Variants in PKN2 observed in about 807,000 individuals in gnomAD.
PKN2 encodes the protein serine/threonine-protein kinase N2.
PKN2 carries 38 observed loss-of-function variants against 119.1 expected under a neutral mutation model. The ratio of observed to expected loss-of-function variants is 0.32; its 90% confidence interval spans 0.25 to 0.42. The LOEUF is 0.42. PKN2 is among the 10% of genes least tolerant of loss of function. The probability of loss-of-function intolerance (pLI) is 1.00; values close to 1 mark genes in which losing one functional copy is unlikely to be tolerated. For missense variants in PKN2, 850 were observed against 1,165.1 expected, an observed-to-expected ratio of 0.73 and a Z score of 3.94; for synonymous variants, 390 against 384.9, an observed-to-expected ratio of 1.01 and a Z score of -0.15.
chr1:88,812,809 T>C (rs902804483), intron 15 of PKN2, among the ~76,000 whole-genome samples: 42 of 152,336 alleles, frequency 2.8e-4, no homozygotes, highest in African/African-American at 8.9e-4. Context: ...CATCTTTGTT[T>C]TGTCTTATTT....
chr1:88,729,458 T>C (rs1251325183), intron 1 of PKN2, among the ~76,000 whole-genome samples: 1 of 152,216 alleles, frequency 6.6e-6, no homozygotes, highest in Non-Finnish European at 1.5e-5. Flanking sequence ...TAAGCTGGAC[T>C]GGAATGCCTA....
At chr1:88,695,795 G>T (rs1196548500) in intron 1 of PKN2, among the ~76,000 whole-genome samples, 1 of 152,056 alleles carries the variant, frequency 6.6e-6, no homozygotes, top group Non-Finnish European at 1.5e-5. Context: ...GCAGGGTGGG[G>T]CTTTGCATTA....
intron 1 of PKN2, among the ~76,000 whole-genome samples, chr1:88,739,244 G>A (rs566084063): frequency 6.6e-6 from 1 of 152,090 alleles, no homozygotes; most frequent in South Asian, 2.1e-4. Flanking sequence ...ACGTCAAGGT[G>A]GGAGGATCAC....
Position 88,807,345 on chromosome 1 carries a change from C to A in PKN2, c.1836C>A (p.Asp612Glu). The A allele has an allele frequency of 6.3e-7, 1 of 1,584,448 alleles. No individual in the cohort carries two copies. Among genetic ancestry groups the A allele is most frequent in the Non-Finnish European group, 8.6e-7 (1 of 1,156,796 alleles). The change falls in exon 13 of 22, where the codon GAC becomes GAA. Residue 612 changes from aspartate (D) to glutamate (E), a missense_variant. Physicochemically the swap from Asp to Glu is conservative, Grantham distance 45. Coordinates refer to ENST00000370521, the MANE Select transcript of PKN2 (RefSeq NM_006256.4). The stretch of plus-strand genomic sequence containing the variant: ...AGACTGTTTTTGATATTCAGAATGA[C>A]AGAAATAGTATACTTCCAAAATCTC... ...DSETVFDIQN[D>E]RNSILPKSQS... is the part of the protein sequence containing the mutation.
chr1:88,815,418 C>G (rs1182837917), intron 16 of PKN2: 14 of 355,382 alleles, frequency 3.9e-5, no homozygotes, highest in Non-Finnish European at 7.5e-5. Context: ...TCAGTTCACT[C>G]TATTTTCTGT....
At chr1:88,684,842 G>A (rs951037308) in intron 1 of PKN2, 11 of 496,224 alleles carry the variant, frequency 2.2e-5, no homozygotes, top group Non-Finnish European at 3.2e-5. Context: ...GCCTGCCACC[G>A]CTTTGGTTTG....
At chr1:88,691,253 C>G (rs908543218) in intron 1 of PKN2, among the ~76,000 whole-genome samples, 1 of 151,608 alleles carries the variant, frequency 6.6e-6, no homozygotes, top group Admixed American at 6.6e-5. Flanking sequence ...TTTGGAGAGA[C>G]GGGGTTTTGC....
chr1:88,742,904 A>T (rs1428231959), intron 2 of PKN2, among the ~76,000 whole-genome samples: 2 of 152,132 alleles, frequency 1.3e-5, no homozygotes, highest in African/African-American at 4.8e-5. Flanking sequence ...AGTTAACTTT[A>T]TTGTGGCTGG....
chr1:88,772,122 C>T lies in PKN2; in HGVS notation c.985+243C>T, dbSNP rs78127267. ...GCATTTTCATCACCCCAAAAGGAAA[C>T]GCATACCTGTTAAGCAGTCACTCCC... is the stretch of plus-strand genomic sequence containing the variant. On this transcript the variant is annotated intron_variant, in intron 6 of 21. Transcript: ENST00000370521. Among the ~76,000 whole-genome samples, 950 of 152,260 alleles carry T rather than the reference C, an allele frequency of 6.2e-3. 12 individuals carry two copies. In the South Asian group the frequency reaches 0.067, roughly 11 times the overall value.
chr1:88,724,673 G>A (rs1667824806), intron 1 of PKN2, among the ~76,000 whole-genome samples: 1 of 148,940 alleles, frequency 6.7e-6, no homozygotes, highest in South Asian at 2.1e-4. Context: ...CCAGGTTCAA[G>A]CAATTCTCCT....
chr1:88,758,124 T>A lies in PKN2; in HGVS notation c.350-2098T>A, dbSNP rs562201874. ...CTAGATGGTTCTTTCTGAAGTTTTA[T>A]TTATTTATTTTTGCAAAATGAAAAT... On this transcript the variant is annotated intron_variant, in intron 2 of 21. Coordinates refer to ENST00000370521, the MANE Select transcript of PKN2 (RefSeq NM_006256.4). Among the ~76,000 whole-genome samples, 25 of 152,058 alleles carry A rather than the reference T, an allele frequency of 1.6e-4. No homozygotes were observed. In the East Asian group the frequency reaches 4.4e-3, roughly 27 times the overall value.
chr1:88,705,992 A>G (rs1666988798), intron 1 of PKN2, among the ~76,000 whole-genome samples: 1 of 151,840 alleles, frequency 6.6e-6, no homozygotes, highest in Non-Finnish European at 1.5e-5. Flanking sequence ...ATATTTCCAT[A>G]TAATTTTTAA....
At chr1:88,768,421 CCTTT>C (rs1297426152) in intron 3 of PKN2, among the ~76,000 whole-genome samples, 1 of 152,188 alleles carries the variant, frequency 6.6e-6, no homozygotes, top group Non-Finnish European at 1.5e-5. Flanking sequence ...TGACTCTCTT[CCTTT>C]GTCTTCTAAG....
At chr1:88,715,376 G>T (rs1158317808) in intron 1 of PKN2, among the ~76,000 whole-genome samples, 1 of 152,100 alleles carries the variant, frequency 6.6e-6, no homozygotes, top group Non-Finnish European at 1.5e-5. Context: ...GGTAAAATTT[G>T]GCTGTGAATC....
chr1:88,786,587 TG>T (rs1375760869), intron 8 of PKN2, among the ~76,000 whole-genome samples: 1 of 152,132 alleles, frequency 6.6e-6, no homozygotes, highest in East Asian at 1.9e-4. Context: ...CTATTAGGCT[TG>T]GTCACCCAGC....
At chr1:88,790,607 C>CT (rs1670789520) in intron 8 of PKN2, among the ~76,000 whole-genome samples, 1 of 152,124 alleles carries the variant, frequency 6.6e-6, no homozygotes, top group South Asian at 2.1e-4. Flanking sequence ...AAGATTTTAT[C>CT]TTTTTTTCCC....
intron 8 of PKN2, 147 bp from the exon 9 acceptor site, chr1:88,804,244 T>C (rs1671445429): frequency 3.2e-6 from 2 of 627,722 alleles, no homozygotes; most frequent in South Asian, 2.2e-5. Context: ...TGAGAAATGT[T>C]ACAAACCTCT....
rs111542967 is a variant in PKN2 at position 88,731,304 on chromosome 1, A to G, written c.49-9684A>G. Among the ~76,000 whole-genome samples the G allele has an allele frequency of 1.0e-2, 1,521 of 152,304 alleles. 22 individuals are homozygous for G. The highest frequency in any genetic ancestry group is 0.035 in the African/African-American group (1,436 of 41,548). ...TCTAGTTGAGAGCACTTTCCTTTTG[A>G]GGCACAGAATGTTGGATTAGGATGA... is the stretch of plus-strand genomic sequence containing the variant. On this transcript the variant is annotated intron_variant, in intron 1 of 21. Transcript: ENST00000370521.
chr1:88,731,245 A>G (rs56040275), intron 1 of PKN2, among the ~76,000 whole-genome samples: 10,217 of 152,302 alleles, frequency 0.067, 700 homozygotes, highest in African/African-American at 0.18. Context: ...GATAGCCAGT[A>G]CACTGGGCTT....
Sources: allele counts gnomAD v4.1 joint callset (sites outside exome capture counted in the v4.1 genomes callset), GRCh38; gene constraint gnomAD v4.1.1; transcripts MANE v1.5; gene names NCBI Gene and HGNC (gene_info 2026-07-23, HGNC 2026-07-21).